Variants in PHACTR1 observed in about 807,000 individuals in gnomAD.
PHACTR1 encodes the protein RPEL repeat containing 1.
Under a neutral mutation model 69.2 loss-of-function variants are expected in PHACTR1, and 16 were observed. The observed-to-expected ratio is 0.23, with a 90% CI of 0.16 to 0.35. PHACTR1 has a LOEUF of 0.35. Ranked by LOEUF, PHACTR1 falls within the 10% of genes least tolerant of loss-of-function variation. PHACTR1 has a pLI of 1.00. For synonymous variants in PHACTR1, 312 were observed against 284.5 expected, an observed-to-expected ratio of 1.10 and a Z score of -0.97; for missense variants, 510 against 734.7, an observed-to-expected ratio of 0.69 and a Z score of 3.54.
At chr6:12,777,636 T>C (rs1296516037) in intron 4 of PHACTR1, among the ~76,000 whole-genome samples, 194 of 139,812 alleles carry the variant, frequency 1.4e-3, no homozygotes, top group Middle Eastern at 3.6e-3. Flanking sequence ...TTTTTTTTTT[T>C]TTTTTTTTTT....
chr6:13,236,957 C>A (rs1197173487), intron 10 of PHACTR1, among the ~76,000 whole-genome samples: 1 of 152,138 alleles, frequency 6.6e-6, no homozygotes, highest in East Asian at 1.9e-4. Flanking sequence ...GAAAAGTCCA[C>A]CCTTGCATCA....
chr6:12,996,838 CA>C (rs1797466082), intron 4 of PHACTR1, among the ~76,000 whole-genome samples: 1 of 152,046 alleles, frequency 6.6e-6, no homozygotes, highest in South Asian at 2.1e-4. Flanking sequence ...TATTTTAACC[CA>C]AGCCAGCAAA....
At chr6:12,876,619 G>A (rs6917609) in intron 4 of PHACTR1, among the ~76,000 whole-genome samples, 446 of 152,274 alleles carry the variant, frequency 2.9e-3, no homozygotes, top group African/African-American at 9.9e-3. Context: ...TTAAAAGACT[G>A]TACACAGACT....
intron 4 of PHACTR1, among the ~76,000 whole-genome samples, chr6:12,831,222 T>C (rs1473575262): frequency 3.9e-5 from 6 of 152,208 alleles, no homozygotes; most frequent in South Asian, 2.1e-4. Flanking sequence ...AACAAATACA[T>C]GAATGAACAT....
chr6:12,851,038 T>C (rs1210465942), intron 4 of PHACTR1, among the ~76,000 whole-genome samples: 2 of 152,226 alleles, frequency 1.3e-5, no homozygotes, highest in Non-Finnish European at 2.9e-5. Flanking sequence ...ACCTATGTAG[T>C]ATATCTAAAT....
At chr6:13,102,830 T>G (rs1815393772) in intron 5 of PHACTR1, among the ~76,000 whole-genome samples, 1 of 152,244 alleles carries the variant, frequency 6.6e-6, no homozygotes, top group African/African-American at 2.4e-5. Flanking sequence ...TGTTGCATTA[T>G]GTTATTCATA....
At chr6:13,263,450 T>C (rs986747441) in intron 10 of PHACTR1, among the ~76,000 whole-genome samples, 2 of 152,092 alleles carry the variant, frequency 1.3e-5, no homozygotes, top group Non-Finnish European at 2.9e-5. Context: ...CAGAGATTTT[T>C]TCAGTTCACT....
intron 10 of PHACTR1, among the ~76,000 whole-genome samples, chr6:13,255,923 C>A (rs1775124127): frequency 6.6e-6 from 1 of 152,238 alleles, no homozygotes; most frequent in Admixed American, 6.5e-5. Context: ...CTTCTTACAG[C>A]TCCACTAGGC....
At chr6:12,960,895 G>C (rs978044012) in intron 4 of PHACTR1, among the ~76,000 whole-genome samples, 5 of 152,046 alleles carry the variant, frequency 3.3e-5, no homozygotes, top group Non-Finnish European at 7.4e-5. Flanking sequence ...TTTTCTTTTT[G>C]CAGTCTCCTA....
chr6:13,077,353 G>T (rs1810675154), intron 5 of PHACTR1, among the ~76,000 whole-genome samples: 1 of 152,116 alleles, frequency 6.6e-6, no homozygotes, highest in African/African-American at 2.4e-5. Context: ...AGTTGATCTG[G>T]TTCATTGTAC....
intron 4 of PHACTR1, among the ~76,000 whole-genome samples, chr6:12,911,173 T>A (rs1220316289): frequency 6.6e-6 from 1 of 152,234 alleles, no homozygotes; most frequent in East Asian, 1.9e-4. Flanking sequence ...CTACCTTTCA[T>A]TTCCTGACTT....
At chr6:13,030,336 T>TA (rs1215193211) in intron 4 of PHACTR1, among the ~76,000 whole-genome samples, 1 of 152,206 alleles carries the variant, frequency 6.6e-6, no homozygotes, top group African/African-American at 2.4e-5. Flanking sequence ...TGAAGAAACT[T>TA]ACACAGAGTT....
At chr6:12,744,749 T>C (rs924448339) in intron 3 of PHACTR1, among the ~76,000 whole-genome samples, 1 of 152,258 alleles carries the variant, frequency 6.6e-6, no homozygotes, top group African/African-American at 2.4e-5. Flanking sequence ...TATGCTGATA[T>C]TGTATCCAGT....
At chr6:12,898,575 C>T (rs928417069) in intron 4 of PHACTR1, among the ~76,000 whole-genome samples, 14 of 152,176 alleles carry the variant, frequency 9.2e-5, no homozygotes, top group Admixed American at 5.2e-4. Flanking sequence ...ACATATCTGC[C>T]TCCTTTTATC....
rs1773525713 is a variant in PHACTR1 at position 13,245,923 on chromosome 6, T to G, written c.1391+15730T>G. Among the ~76,000 whole-genome samples, 1 of 152,176 alleles carries G rather than the reference T, an allele frequency of 6.6e-6. No homozygotes were observed. The highest frequency in any genetic ancestry group is 1.5e-5 in the Non-Finnish European group (1 of 68,032). On this transcript the variant is annotated intron_variant, in intron 10 of 14. Coordinates refer to ENST00000332995, the MANE Select transcript of PHACTR1 (RefSeq NM_030948.6). This position sits in a 1 kb window ranked among gnomAD's most constrained non-coding sequence, Gnocchi z 4.1. ...TTTCTTCACCCACTTCACAACTGTA[T>G]CATTAGGATCTCAGAGTGTAATAGA... is the stretch of plus-strand genomic sequence containing the variant.
intron 4 of PHACTR1, among the ~76,000 whole-genome samples, chr6:12,788,334 G>A (rs1280679235): frequency 6.6e-6 from 1 of 152,070 alleles, no homozygotes; most frequent in Admixed American, 6.5e-5. Flanking sequence ...AGAGGCCATG[G>A]TCAGGAGAGA....
chr6:12,753,079 A>G (rs1766821849), intron 4 of PHACTR1, among the ~76,000 whole-genome samples: 1 of 152,238 alleles, frequency 6.6e-6, no homozygotes, highest in African/African-American at 2.4e-5. Flanking sequence ...AACATTCAAA[A>G]AGGGATTTTT....
chr6:13,015,955 AT>A (rs1392689954), intron 4 of PHACTR1, among the ~76,000 whole-genome samples: 2 of 152,150 alleles, frequency 1.3e-5, no homozygotes, highest in Non-Finnish European at 2.9e-5. Flanking sequence ...AATCCTGCCA[AT>A]CTATTGTGTG....
intron 10 of PHACTR1, among the ~76,000 whole-genome samples, chr6:13,254,450 T>C (rs925355143): frequency 6.6e-6 from 1 of 152,232 alleles, no homozygotes; most frequent in African/African-American, 2.4e-5. Flanking sequence ...GGTCATCTAA[T>C]CTGATTGCCA....
Sources: allele counts gnomAD v4.1 joint callset (sites outside exome capture counted in the v4.1 genomes callset), GRCh38; gene constraint gnomAD v4.1.1; non-coding constraint Gnocchi (gnomAD v3.1); transcripts MANE v1.5; gene names NCBI Gene and HGNC (gene_info 2026-07-23, HGNC 2026-07-21).